KIF13A: variants seen among roughly 807,000 people sequenced by gnomAD.
KIF13A encodes kinesin family member 13A.
Under a neutral mutation model 212.2 loss-of-function variants are expected in KIF13A, and 79 were observed. The ratio of observed to expected loss-of-function variants is 0.37; its 90% CI spans 0.31 to 0.45. The LOEUF (loss-of-function observed/expected upper bound fraction) is 0.45. Ranked by LOEUF, KIF13A falls within the 20% of genes least tolerant of loss-of-function variation. The pLI is 1.00. For missense variants in KIF13A, 1,901 were observed against 2,209.0 expected (o/e 0.86, Z 2.79); for synonymous variants, 789 against 808.6 (o/e 0.98, Z 0.41).
intron 38 of KIF13A, chr6:17,770,361 A>ATTTTTTTTTGTTT (rs1759381977): frequency 8.4e-6 from 1 of 119,446 alleles, no homozygotes; most frequent in Non-Finnish European, 1.7e-5. Flanking sequence ...AATAAACAGG[A>ATTTTTTTTTGTTT]TTTTTTTTTT....
intron 9 of KIF13A, among the ~76,000 whole-genome samples, chr6:17,842,005 G>C (rs796215372): frequency 1.3e-5 from 1 of 79,646 alleles, no homozygotes. Context: ...ACATACGTGT[G>C]TGTGTGTGTG....
chr6:17,775,832 T>C (rs1203738159), intron 34 of KIF13A, among the ~76,000 whole-genome samples: 3 of 152,088 alleles, frequency 2.0e-5, no homozygotes, highest in Non-Finnish European at 2.9e-5. Flanking sequence ...CTTGATCAGA[T>C]TGAGGTTGAA....
intron 2 of KIF13A, among the ~76,000 whole-genome samples, chr6:17,980,712 AAACAAAAAGTTTT>A (rs1780989540): frequency 6.6e-6 from 1 of 152,254 alleles, no homozygotes; most frequent in African/African-American, 2.4e-5. Context: ...ACGCCAGGCA[AAACAAAAAGTTTT>A]GTATGACAAG....
chr6:17,950,695 T>C (rs1484565796), intron 2 of KIF13A: 2 of 984,650 alleles, frequency 2.0e-6, no homozygotes, highest in Non-Finnish European at 2.4e-6. Flanking sequence ...AAATACACTT[T>C]TAATCATGCC....
In KIF13A at chr6:17,899,879, T is replaced by C. The variant is rs1294060615; in HGVS notation, c.147-1699A>G. On this transcript the variant is annotated intron_variant, in intron 2 of 38. Transcript: ENST00000259711. The surrounding 1 kb of genome is among the most constrained non-coding windows in gnomAD (Gnocchi z 5.2). ...AAGGAAGTCATGGATTTCCATTCTG[T>C]ACAAAAAACTTGAGATTTCTGCCAT... Among the ~76,000 whole-genome samples the C allele has an allele frequency of 6.6e-6, 1 of 152,200 alleles. No homozygotes were observed. The highest frequency in any genetic ancestry group is 1.5e-5 in the Non-Finnish European group (1 of 68,020).
chr6:17,793,349 T>C (rs1024457398), intron 25 of KIF13A, among the ~76,000 whole-genome samples: 1 of 152,076 alleles, frequency 6.6e-6, no homozygotes, highest in East Asian at 1.9e-4. Context: ...CCCAAAGTGC[T>C]GGGATTACAG....
intron 18 of KIF13A, 88 bp downstream of exon 18, chr6:17,808,680 G>A: frequency 1.6e-6 from 2 of 1,259,398 alleles, no homozygotes; most frequent in Non-Finnish European, 1.1e-6. Context: ...GATCTCCTCA[G>A]GCATGTTTCT....
Position 17,825,902 on chromosome 6 carries a change from C to A in KIF13A, c.1652G>T (p.Trp551Leu). The part of the protein sequence containing the change: ...INLPKRKRRD[W>L]LKDFEKETGP... ...CGTTTCTTTTTCAAAGTCTTTCAAC[C>A]AATCTCGACGTTTCCTCTTAGGTAA... The change falls in exon 16 of 39, where the codon TGG becomes TTG. Residue 551 changes from tryptophan to leucine, a missense_variant. Trp to Leu is a moderately conservative substitution (Grantham distance 61). Around this residue, in one of 5 missense-constraint regions of KIF13A, gnomAD observed 534 missense variants for 536.9 expected, o/e 0.99. Coordinates refer to ENST00000259711, the MANE Select transcript of KIF13A (RefSeq NM_022113.6). This position sits in a 1 kb window ranked among gnomAD's most constrained non-coding sequence, Gnocchi z 4.5. 1 of 1,613,998 alleles carries A rather than the reference C, an allele frequency of 6.2e-7. No individual in the cohort carries two copies. Among genetic ancestry groups the A allele is most frequent in the South Asian group, 1.1e-5 (1 of 91,078 alleles).
intron 2 of KIF13A, among the ~76,000 whole-genome samples, chr6:17,945,565 G>A (rs1245885833): frequency 6.6e-6 from 1 of 151,908 alleles, no homozygotes; most frequent in African/African-American, 2.4e-5. Context: ...TAACAAAAAA[G>A]ATGCAAAAAC....
intron 13 of KIF13A, 130 bp downstream of exon 13, chr6:17,830,970 CT>C: frequency 1.3e-6 from 1 of 744,120 alleles, no homozygotes; most frequent in South Asian, 1.9e-5. Context: ...TCGGAGGGCA[CT>C]ATCCATCTTA....
intron 4 of KIF13A, among the ~76,000 whole-genome samples, chr6:17,867,526 T>C (rs1408329483): frequency 6.6e-6 from 1 of 152,206 alleles, no homozygotes; most frequent in Non-Finnish European, 1.5e-5. Flanking sequence ...GAGTGCTTCA[T>C]ATACATAATC....
Position 17,764,321 on chromosome 6 carries a change from G to A in KIF13A, c.5207C>T (p.Thr1736Ile). The change falls in exon 39 of 39, where the codon ACA becomes ATA. Residue 1736 changes from threonine to isoleucine, a missense_variant. By Grantham distance (89) the Thr-to-Ile change is moderately conservative. Around this residue, in one of 5 missense-constraint regions of KIF13A, gnomAD observed 687 missense variants for 759.1 expected, o/e 0.90. Coordinates refer to ENST00000259711, the MANE Select transcript of KIF13A (RefSeq NM_022113.6). The surrounding 1 kb of genome is among the most constrained non-coding windows in gnomAD (Gnocchi z 5.1). Reference sequence around the variant, plus strand: ...TCCCTCTGACACTCCCATAAATTCTGTGAAAGAATGGTCTTCAAGGATGTT... The same window carrying A: ...TCCCTCTGACACTCCCATAAATTCTATGAAAGAATGGTCTTCAAGGATGTT... ...TTNILEDHSF[T>I]EFMGVSEGKD... 6.2e-7 allele frequency: 1 copy of A among 1,614,004 alleles called. No homozygotes were observed. The highest frequency in any genetic ancestry group is 8.5e-7 in the Non-Finnish European group (1 of 1,179,888).
intron 17 of KIF13A, among the ~76,000 whole-genome samples, chr6:17,813,504 G>C (rs1222928885): frequency 6.6e-6 from 1 of 152,122 alleles, no homozygotes; most frequent in Non-Finnish European, 1.5e-5. Context: ...AGAAAAAAGA[G>C]TAATATAAGT....
In KIF13A at chr6:17,915,512, C is replaced by G. The variant is rs1390580830; in HGVS notation, c.147-17332G>C. Among the ~76,000 whole-genome samples, 2 of 152,172 alleles carry G rather than the reference C, an allele frequency of 1.3e-5. No individual in the cohort carries two copies. The highest frequency in any genetic ancestry group is 4.8e-5 in the African/African-American group (2 of 41,434). Reference sequence around the variant, plus strand: ...ATAGAAGCAGCTGTCATTGCTGATGCCAGATGCTTGCAGTTTGACAGCGTG... The same window carrying G: ...ATAGAAGCAGCTGTCATTGCTGATGGCAGATGCTTGCAGTTTGACAGCGTG... On this transcript the variant is annotated intron_variant, in intron 2 of 38. Transcript: ENST00000259711. The surrounding 1 kb of genome is among the most constrained non-coding windows in gnomAD (Gnocchi z 4.4).
Position 17,794,812 on chromosome 6 carries a change from C to T in KIF13A, c.2943-108G>A. 1 of 1,148,644 alleles carries T rather than the reference C, an allele frequency of 8.7e-7. No individual in the cohort carries two copies. The highest frequency in any genetic ancestry group is 1.2e-6 in the Non-Finnish European group (1 of 822,988). 71.2% of individuals were successfully genotyped at this position (1,148,644 alleles called of 1,614,324 possible). ...CACTTACTATGTGCTAGGCACTGTG[C>T]CATTTATCTTGTATAAGTTACTTCC... On this transcript the variant is annotated intron_variant, in intron 23 of 38. Transcript: ENST00000259711. The surrounding 1 kb of genome is among the most constrained non-coding windows in gnomAD (Gnocchi z 4.1).
intron 38 of KIF13A, among the ~76,000 whole-genome samples, chr6:17,766,645 C>T (rs938267166): frequency 6.6e-6 from 1 of 152,072 alleles, no homozygotes; most frequent in African/African-American, 2.4e-5. Context: ...GCCTCAAACT[C>T]CTGGGCTCAA....
Position 17,926,415 on chromosome 6 carries a change from T to TA in KIF13A, c.147-28236dup, listed in dbSNP as rs1319717693. ...ACCCGGCTAATTTTTGTATTTTTAG[T>TA]AGAGATGGTGTTTTGCCATGTTGGC... is the stretch of plus-strand genomic sequence containing the variant. On this transcript the variant is annotated intron_variant, in intron 2 of 38. Coordinates refer to ENST00000259711, the MANE Select transcript of KIF13A (RefSeq NM_022113.6). The surrounding 1 kb of genome is among the most constrained non-coding windows in gnomAD (Gnocchi z 4.3). Among the ~76,000 whole-genome samples, 3 of 152,118 alleles carry TA rather than the reference T, an allele frequency of 2.0e-5. No individual in the cohort carries two copies. Among genetic ancestry groups the TA allele is most frequent in the Non-Finnish European group, 4.4e-5 (3 of 68,038 alleles).
rs1373113187 is a variant in KIF13A at position 17,787,594 on chromosome 6, T to TGA, written c.3361+180_3361+181dup. The stretch of plus-strand genomic sequence containing the variant: ...TGAGGCCAGGAGTTAGAGGCTGCAG[T>TGA]GAGATATGATCCTGCCACTGCACTC... On this transcript the variant is annotated intron_variant, in intron 27 of 38. Transcript: ENST00000259711. This position sits in a 1 kb window ranked among gnomAD's most constrained non-coding sequence, Gnocchi z 4.6. Among the ~76,000 whole-genome samples the TGA allele has an allele frequency of 1.3e-5, 2 of 152,034 alleles. No homozygotes were observed. The highest frequency in any genetic ancestry group is 2.4e-5 in the African/African-American group (1 of 41,370).
rs200616640 is a variant in KIF13A, at chr6:17,770,361, A to ATTTTTTTTTTTTTTTTTTT, written c.4581+734_4581+752dup. 36 of 119,442 alleles carry ATTTTTTTTTTTTTTTTTTT rather than the reference A, an allele frequency of 3.0e-4. 1 individual carries two copies. Among genetic ancestry groups the ATTTTTTTTTTTTTTTTTTT allele is most frequent in the Admixed American group, 4.8e-4 (5 of 10,448 alleles). 7.4% of individuals were successfully genotyped at this position (119,442 alleles called of 1,614,324 possible). On this transcript the variant is annotated intron_variant, in intron 38 of 38. Transcript: ENST00000259711. ...CTTTCCAGGCTTGAGAATAAACAGG[A>ATTTTTTTTTTTTTTTTTTT]TTTTTTTTTTTTTTTTTTTTTTTGT...
Sources: allele counts gnomAD v4.1 joint callset (sites outside exome capture counted in the v4.1 genomes callset), GRCh38; gene constraint gnomAD v4.1.1; regional missense constraint gnomAD v4.1.1; non-coding constraint Gnocchi (gnomAD v3.1); transcripts MANE v1.5; gene names NCBI Gene and HGNC (gene_info 2026-07-23, HGNC 2026-07-21).